NCOA3: variants seen among roughly 807,000 people sequenced by gnomAD.
NCOA3 encodes the protein nuclear receptor coactivator 3, also known as CBP-interacting protein.
Under a neutral mutation model 158.8 loss-of-function variants are expected in NCOA3, and 51 were observed. The ratio of observed to expected loss-of-function variants is 0.32; its 90% CI spans 0.26 to 0.41. NCOA3 has a LOEUF of 0.41. Ranked by LOEUF, NCOA3 falls within the 10% of genes least tolerant of loss-of-function variation. The pLI is 1.00. For missense variants in NCOA3, 1,510 were observed against 1,746.6 expected (o/e 0.86, Z 2.41); for synonymous variants, 537 against 592.4 (o/e 0.91, Z 1.36).
At chr20:47,597,822 T>TA (rs1209179520) in intron 2 of NCOA3, among the ~76,000 whole-genome samples, 1 of 152,088 alleles carries the variant, frequency 6.6e-6, no homozygotes, top group Non-Finnish European at 1.5e-5. Flanking sequence ...TTAGAGTTTT[T>TA]ATCTCTCTGC....
rs746421427 is a variant in NCOA3, at chr20:47,640,039, G to A, written c.3068G>A (p.Gly1023Asp). 3.7e-6 allele frequency: 6 copies of A among 1,614,162 alleles called. No homozygotes were observed. In the South Asian group the frequency reaches 6.6e-5, roughly 18 times the overall value. The change falls in exon 16 of 23, where the codon GGC becomes GAC. Residue 1023 changes from glycine (G) to aspartate (D), a missense_variant. By Grantham distance (94) the Gly-to-Asp change is moderately conservative. Around this residue, in one of 4 missense-constraint regions of NCOA3, gnomAD observed 1,017 missense variants for 1,098.3 expected, o/e 0.93. Coordinates refer to ENST00000371998, the MANE Select transcript of NCOA3 (RefSeq NM_181659.3). ...TTGTCCATGGAACAAGTTTCTCATG[G>A]CACTCAAAATAGGTGGGGTGTTATT... ...GMLSMEQVSHGTQNRPLLRNS... is the reference protein window; with the variant it reads ...GMLSMEQVSHDTQNRPLLRNS...
chr20:47,580,251 A>G (rs1480625757), intron 1 of NCOA3, among the ~76,000 whole-genome samples: 1 of 152,024 alleles, frequency 6.6e-6, no homozygotes, highest in African/African-American at 2.4e-5. Context: ...CCATTATGCT[A>G]CTAGATACTT....
chr20:47,560,905 C>G (rs144766110), intron 1 of NCOA3, among the ~76,000 whole-genome samples: 2 of 147,556 alleles, frequency 1.4e-5, no homozygotes, highest in Non-Finnish European at 3.0e-5. Context: ...GTGGTGATTT[C>G]TGAGTTTTTA....
At chr20:47,560,968 CTTT>C (rs11481985) in intron 1 of NCOA3, among the ~76,000 whole-genome samples, 4 of 101,184 alleles carry the variant, frequency 4.0e-5, no homozygotes, top group Non-Finnish European at 3.7e-5. Context: ...ATCCCTCATT[CTTT>C]TTTTTTTTTT....
At chr20:47,511,877 G>C (rs2084147532) in intron 1 of NCOA3, among the ~76,000 whole-genome samples, 1 of 152,120 alleles carries the variant, frequency 6.6e-6, no homozygotes, top group Non-Finnish European at 1.5e-5. Flanking sequence ...ACTAGGAAGG[G>C]TGAGGAGGGG....
In NCOA3 at chr20:47,599,161, C is replaced by A. The variant is rs116740913; in HGVS notation, c.-20+15900C>A. ...TGAAGGCACATTTCTCGTAATGTAT[C>A]CCTGTCATTAAGCTAGGCATGACTG... On this transcript the variant is annotated intron_variant, in intron 2 of 22. Coordinates refer to ENST00000371998, the MANE Select transcript of NCOA3 (RefSeq NM_181659.3). Among the ~76,000 whole-genome samples the A allele has an allele frequency of 6.5e-3, 992 of 152,256 alleles. 8 individuals are homozygous for A. The highest frequency in any genetic ancestry group is 0.027 in the Middle Eastern group (8 of 294).
Position 47,502,014 on chromosome 20 carries a change from C to T in NCOA3, c.-104C>T. On this transcript the variant is annotated 5_prime_UTR_variant, in exon 1 of 23. Coordinates refer to ENST00000371998, the MANE Select transcript of NCOA3 (RefSeq NM_181659.3). Reference sequence around the variant, plus strand: ...AGCTGAGCTGCGAGGAAAATGGCGGCGGGAGGTGAGTGGAGATAAAGGAGG... The same window carrying T: ...AGCTGAGCTGCGAGGAAAATGGCGGTGGGAGGTGAGTGGAGATAAAGGAGG... The T allele has an allele frequency of 2.5e-6, 1 of 398,868 alleles. No homozygotes were observed. Among genetic ancestry groups the T allele is most frequent in the Non-Finnish European group, 4.4e-6 (1 of 226,224 alleles). The allele number at this position is 398,868 out of a possible 1,614,324, so 24.7% of individuals were successfully genotyped here.
chr20:47,510,873 G>A (rs928956825), intron 1 of NCOA3, among the ~76,000 whole-genome samples: 1 of 152,064 alleles, frequency 6.6e-6, no homozygotes, highest in Non-Finnish European at 1.5e-5. Context: ...GTGAGCCATC[G>A]TGCCCAGTAT....
intron 2 of NCOA3, among the ~76,000 whole-genome samples, chr20:47,593,829 A>G (rs550377582): frequency 5.9e-5 from 9 of 152,312 alleles, no homozygotes; most frequent in African/African-American, 2.2e-4. Flanking sequence ...ACCTTATAAG[A>G]TAATTAGTAG....
At chr20:47,557,915 T>TA (rs2085032317) in intron 1 of NCOA3, among the ~76,000 whole-genome samples, 1 of 152,180 alleles carries the variant, frequency 6.6e-6, no homozygotes, top group Non-Finnish European at 1.5e-5. Context: ...TTTATTTTCT[T>TA]AGAGTTCTGG....
At chr20:47,572,441 A>G (rs2085308691) in intron 1 of NCOA3, among the ~76,000 whole-genome samples, 1 of 151,934 alleles carries the variant, frequency 6.6e-6, no homozygotes, top group Non-Finnish European at 1.5e-5. Flanking sequence ...GTCTCTTCGC[A>G]TTCACAACTT....
chr20:47,539,659 A>G (rs761915966), intron 1 of NCOA3, among the ~76,000 whole-genome samples: 4 of 152,176 alleles, frequency 2.6e-5, no homozygotes, highest in Non-Finnish European at 4.4e-5. Context: ...GTTGTTGAGG[A>G]TGCTGCTAGC....
intron 19 of NCOA3, among the ~76,000 whole-genome samples, chr20:47,649,975 T>G (rs2086755805): frequency 1.3e-5 from 2 of 151,892 alleles, no homozygotes; most frequent in Admixed American, 6.6e-5. Flanking sequence ...TTTTCTGAGG[T>G]GGACCCCTGC....
chr20:47,630,088 G>C (rs1255344562), intron 8 of NCOA3, among the ~76,000 whole-genome samples: 1 of 152,180 alleles, frequency 6.6e-6, no homozygotes, highest in Non-Finnish European at 1.5e-5. Flanking sequence ...ATGGACATCT[G>C]TTTTGTATTT....
At chr20:47,515,281 G>T in intron 1 of NCOA3, among the ~76,000 whole-genome samples, 1 of 151,526 alleles carries the variant, frequency 6.6e-6, no homozygotes, top group East Asian at 1.9e-4. Flanking sequence ...TCCTGCCTCA[G>T]CCTCCCCAGT....
chr20:47,653,487 A>AATC lies in NCOA3; in HGVS notation c.*73_*75dup. On this transcript the variant is annotated 3_prime_UTR_variant, in exon 23 of 23. Transcript: ENST00000371998. Reference sequence around the variant, plus strand: ...CACTGCACTAGGATTATTGGGAAGGAATCATTGTTCCAGGCATCCATCTTG... The same window carrying AATC: ...CACTGCACTAGGATTATTGGGAAGGAATCATCATTGTTCCAGGCATCCATCTTG... 6.5e-7 allele frequency: 1 copy of AATC among 1,542,676 alleles called. No homozygotes were observed. Among genetic ancestry groups the AATC allele is most frequent in the Non-Finnish European group, 8.9e-7 (1 of 1,127,330 alleles).
chr20:47,580,486 G>A (rs1602432694), intron 1 of NCOA3, among the ~76,000 whole-genome samples: 2 of 152,004 alleles, frequency 1.3e-5, no homozygotes, highest in South Asian at 4.2e-4. Flanking sequence ...AACCCGGGAG[G>A]CAGAGGTTGC....
intron 2 of NCOA3, among the ~76,000 whole-genome samples, chr20:47,620,051 C>T (rs1024760692): frequency 1.3e-5 from 2 of 152,134 alleles, no homozygotes; most frequent in African/African-American, 4.8e-5. Context: ...GCCTCGGCCT[C>T]CCAAAGTGGT....
chr20:47,551,697 A>G (rs974345837), intron 1 of NCOA3, among the ~76,000 whole-genome samples: 5 of 152,194 alleles, frequency 3.3e-5, no homozygotes, highest in African/African-American at 1.2e-4. Flanking sequence ...AATTTTAAAC[A>G]TGTATTTTTT....
Sources: allele counts gnomAD v4.1 joint callset (sites outside exome capture counted in the v4.1 genomes callset), GRCh38; gene constraint gnomAD v4.1.1; regional missense constraint gnomAD v4.1.1; transcripts MANE v1.5; gene names NCBI Gene and HGNC (gene_info 2026-07-23, HGNC 2026-07-21).